The following PAX5 variants were observed in gnomAD, a reference collection of about 807,000 sequenced individuals.
The protein encoded by PAX5 is paired box 5.
PAX5 carries 9 observed loss-of-function variants against 43.7 expected under a neutral mutation model. The ratio of observed to expected loss-of-function variants is 0.21; its 90% CI spans 0.12 to 0.36. PAX5 has a LOEUF of 0.36. Ranked by LOEUF, PAX5 falls within the 10% of genes least tolerant of loss-of-function variation. The probability of loss-of-function intolerance (pLI) is 1.00; values close to 1 mark genes in which losing one functional copy is unlikely to be tolerated. For synonymous variants in PAX5, 228 were observed against 214.3 expected (o/e 1.06, Z -0.56); for missense variants, 383 against 532.7 (o/e 0.72, Z 2.77).
intron 7 of PAX5, 80 bp downstream of exon 7, chr9:36,923,275 C>T: frequency 6.6e-7 from 1 of 1,526,074 alleles, no homozygotes; most frequent in Non-Finnish European, 8.8e-7. Context: ...CCAAACACAC[C>T]AAGAAGCCAC....
At chr9:36,879,360 G>A (rs2131744870) in intron 8 of PAX5, among the ~76,000 whole-genome samples, 2 of 152,376 alleles carry the variant, frequency 1.3e-5, no homozygotes, top group African/African-American at 4.8e-5. Flanking sequence ...CTGCTTCTCT[G>A]AACTCAGCCT....
chr9:36,950,898 G>A (rs976330961), intron 6 of PAX5, among the ~76,000 whole-genome samples: 4 of 151,868 alleles, frequency 2.6e-5, no homozygotes, highest in South Asian at 2.1e-4. Flanking sequence ...ACACCACCAC[G>A]CCCAGCTAAT....
At chr9:36,893,917 CA>C in intron 7 of PAX5, among the ~76,000 whole-genome samples, 1 of 152,328 alleles carries the variant, frequency 6.6e-6, no homozygotes, top group African/African-American at 2.4e-5. Context: ...ACTGATAGGA[CA>C]AACCAGTGTT....
intron 6 of PAX5, among the ~76,000 whole-genome samples, chr9:36,943,529 T>TCACAC (rs35815065): frequency 6.9e-6 from 1 of 145,912 alleles, no homozygotes; most frequent in Non-Finnish European, 1.5e-5. Flanking sequence ...TAGTTCAACA[T>TCACAC]ACACACACAC....
At position 36,837,375 on chromosome 9, in the gene PAX5, C is replaced by A. The variant is rs934110358; in HGVS notation, c.*3185G>T. On this transcript the variant is annotated 3_prime_UTR_variant, in exon 10 of 10. Coordinates refer to ENST00000358127, the MANE Select transcript of PAX5 (RefSeq NM_016734.3). The stretch of plus-strand genomic sequence containing the variant: ...GGGTTTGATATATCATCCAATTTTT[C>A]TAGGTTGGAGCTAGACTGATGGTAT... 1 of 233,168 alleles carries A rather than the reference C, an allele frequency of 4.3e-6. No individual in the cohort carries two copies. Among genetic ancestry groups the A allele is most frequent in the Admixed American group, 5.6e-5 (1 of 17,782 alleles). The allele number at this position is 233,168 out of a possible 1,614,324, so 14.4% of individuals were successfully genotyped here.
At chr9:36,865,304 C>A (rs1332223166) in intron 8 of PAX5, among the ~76,000 whole-genome samples, 1 of 152,186 alleles carries the variant, frequency 6.6e-6, no homozygotes, top group Non-Finnish European at 1.5e-5. Context: ...GCCCTCTTGT[C>A]CCCCAGTAGT....
intron 7 of PAX5, among the ~76,000 whole-genome samples, chr9:36,904,118 G>C (rs139429342): frequency 3.5e-4 from 54 of 152,338 alleles, no homozygotes; most frequent in African/African-American, 1.3e-3. Flanking sequence ...ATGCAGATTA[G>C]ACAAGCTATT....
At chr9:36,923,262 C>T (rs1338337519) in intron 7 of PAX5, 93 bp downstream of exon 7, 25 of 1,497,530 alleles carry the variant, frequency 1.7e-5, no homozygotes, top group Non-Finnish European at 2.2e-5. Context: ...TGGCCAATCA[C>T]ATCCAAACAC....
intron 7 of PAX5, among the ~76,000 whole-genome samples, chr9:36,920,419 A>T (rs1189760914): frequency 1.3e-5 from 2 of 152,256 alleles, no homozygotes; most frequent in African/African-American, 4.8e-5. Context: ...CGTCCTGATC[A>T]GTCATCAGCC....
At chr9:36,844,463 G>A (rs28635891) in intron 9 of PAX5, among the ~76,000 whole-genome samples, 4,736 of 139,624 alleles carry the variant, frequency 0.034, 256 homozygotes, top group African/African-American at 0.13. Flanking sequence ...CTGAGAGGAC[G>A]ACATCAGATA....
At chr9:36,975,729 G>A (rs976973187) in intron 5 of PAX5, among the ~76,000 whole-genome samples, 9 of 152,130 alleles carry the variant, frequency 5.9e-5, no homozygotes, top group African/African-American at 1.9e-4. Flanking sequence ...TTTCTTATCT[G>A]TAGAGTGGGA....
chr9:36,932,719 T>C (rs1282899384), intron 6 of PAX5, among the ~76,000 whole-genome samples: 2 of 152,048 alleles, frequency 1.3e-5, no homozygotes, highest in African/African-American at 2.4e-5. Flanking sequence ...TTTTATGATA[T>C]AAAAATTATA....
chr9:36,905,000 A>C (rs1253789584), intron 7 of PAX5, among the ~76,000 whole-genome samples: 2 of 152,234 alleles, frequency 1.3e-5, no homozygotes, highest in East Asian at 3.9e-4. Flanking sequence ...AACAGGCATA[A>C]TGGTGGGCTG....
At position 36,835,236 on chromosome 9, in the gene PAX5, C is replaced by T. The variant is rs2131549533; in HGVS notation, c.*5324G>A. On this transcript the variant is annotated 3_prime_UTR_variant, in exon 10 of 10. Coordinates refer to ENST00000358127, the MANE Select transcript of PAX5 (RefSeq NM_016734.3). ...CTAAAGGGGACCCCTTGGATTGAAA[C>T]TCTAGAATGGCAGTGACATGATTCT... 1 of 233,274 alleles carries T rather than the reference C, an allele frequency of 4.3e-6. No individual in the cohort carries two copies. Among genetic ancestry groups the T allele is most frequent in the Admixed American group, 5.6e-5 (1 of 17,810 alleles). 14.5% of individuals were successfully genotyped at this position (233,274 alleles called of 1,614,324 possible). A position where few individuals can be genotyped will look rare whatever the true frequency, so the allele number is the denominator to read the frequency against.
At chr9:36,947,728 T>A (rs932200647) in intron 6 of PAX5, among the ~76,000 whole-genome samples, 6 of 152,054 alleles carry the variant, frequency 3.9e-5, no homozygotes, top group East Asian at 1.9e-4. Context: ...ATATATATAT[T>A]TTTAACAGAA....
At chr9:37,026,357 G>A (rs957841179) in intron 1 of PAX5, among the ~76,000 whole-genome samples, 11 of 152,270 alleles carry the variant, frequency 7.2e-5, no homozygotes, top group Non-Finnish European at 1.5e-4. Flanking sequence ...GCCTCAGCCC[G>A]GGCGGCCAAG....
intron 7 of PAX5, among the ~76,000 whole-genome samples, chr9:36,913,700 T>C (rs1829496443): frequency 6.6e-6 from 1 of 152,140 alleles, no homozygotes; most frequent in South Asian, 2.1e-4. Flanking sequence ...GGCATATATA[T>C]CCCTCTCTAA....
At chr9:36,881,898 C>G in intron 8 of PAX5, 106 bp downstream of exon 8, 2 of 838,726 alleles carry the variant, frequency 2.4e-6, no homozygotes, top group South Asian at 1.5e-5. Context: ...TATTCAGGTC[C>G]GCTTCTCAGA....
chr9:36,849,752 G>C (rs1822966781), intron 8 of PAX5, among the ~76,000 whole-genome samples: 1 of 152,230 alleles, frequency 6.6e-6, no homozygotes. Flanking sequence ...TGCCTGGTGT[G>C]CTAAGAGTGG....
Sources: gnomAD v4.1 joint callset for allele counts (sites outside exome capture counted in the v4.1 genomes callset) on GRCh38, gnomAD v4.1.1 for gene constraint, MANE v1.5 for transcripts, NCBI Gene and HGNC (gene_info 2026-07-23, HGNC 2026-07-21) for gene names.